Variants in PCGF3 observed in about 807,000 individuals in gnomAD.
PCGF3 encodes polycomb group RING finger protein 3.
In PCGF3, 7 loss-of-function variants were observed where a neutral mutation model predicts 33.1. The ratio of observed to expected loss-of-function variants is 0.21; its 90% CI spans 0.12 to 0.40. The LOEUF (loss-of-function observed/expected upper bound fraction) is 0.40, where lower values mean the gene tolerates loss of function less well. PCGF3 is among the 10% of genes least tolerant of loss of function. The pLI, the probability that PCGF3 is intolerant of heterozygous loss-of-function variation, is 1.00. For missense variants in PCGF3, 211 were observed against 313.3 expected (o/e 0.67, Z 2.46); for synonymous variants, 153 against 121.3 (o/e 1.26, Z -1.72).
chr4:706,420 TCCGGGAGGTCGAAGACCCCAGC>T (rs1560191918), intron 1 of PCGF3, among the ~76,000 whole-genome samples: 7 of 83,380 alleles, frequency 8.4e-5, no homozygotes, highest in Non-Finnish European at 1.4e-4. Flanking sequence ...CAGGCAGGAC[TCCGGGAGGTCGAAGACCCCAGC>T]CCAGGCAGGA....
At chr4:767,124 G>A (rs1254873051) in exon 11 of PCGF3, 1 of 152,280 alleles carries the variant, frequency 6.6e-6, no homozygotes, top group Non-Finnish European at 1.5e-5. Flanking sequence ...CCGCTTACTG[G>A]AAGGGCGTTT....
rs571228270 is a variant in PCGF3 at position 743,470 on chromosome 4, G to A, written c.263-4G>A. ...ATGAAAGACTGTGTGTTGATTTTCC[G>A]CAGCGGAAATGAGAAAGCAGAGGGA... On this transcript the variant is annotated splice_polypyrimidine_tract_variant and splice_region_variant and intron_variant, in intron 6 of 10. Transcript: ENST00000362003. 235 of 1,587,324 alleles carry A rather than the reference G, an allele frequency of 1.5e-4. 2 individuals are homozygous for A. The South Asian group carries it at 2.4e-3, about 16-fold the overall frequency.
intron 8 of PCGF3, among the ~76,000 whole-genome samples, chr4:760,586 C>T (rs1435891758): frequency 6.6e-6 from 1 of 152,188 alleles, no homozygotes; most frequent in East Asian, 1.9e-4. Context: ...TCCATTCTTC[C>T]ACTGCATTTT....
intron 1 of PCGF3, chr4:722,178 G>A (rs1255426526): frequency 1.3e-5 from 2 of 156,766 alleles, no homozygotes; most frequent in African/African-American, 4.8e-5. Flanking sequence ...AACAGCCGCT[G>A]CCTCTTAGTG....
In PCGF3 at chr4:721,673, G is replaced by C. The variant is rs980326137; in HGVS notation, c.-189-8957G>C. 1.3e-5 allele frequency among the ~76,000 whole-genome samples: 2 copies of C among 152,156 alleles called. No individual in the cohort carries two copies. Among genetic ancestry groups the C allele is most frequent in the Non-Finnish European group, 2.9e-5 (2 of 68,008 alleles). ...GGGCCTGTAGGACCCTTAGGGAGACGGGTGGCTCTGCGTGTGGGTGTGGAG... is the reference window on the plus strand; with the variant it reads ...GGGCCTGTAGGACCCTTAGGGAGACCGGTGGCTCTGCGTGTGGGTGTGGAG... On this transcript the variant is annotated intron_variant, in intron 1 of 10. Transcript: ENST00000362003. The surrounding 1 kb of genome is among the most constrained non-coding windows in gnomAD (Gnocchi z 4.1).
intron 1 of PCGF3, among the ~76,000 whole-genome samples, chr4:707,690 C>CA (rs1230642546): frequency 7.1e-6 from 1 of 140,646 alleles, no homozygotes; most frequent in African/African-American, 2.7e-5. Context: ...GCTCTGTTTT[C>CA]CCCTGGGGGC....
chr4:738,124 G>A (rs746843890), intron 6 of PCGF3, among the ~76,000 whole-genome samples: 48 of 152,216 alleles, frequency 3.2e-4, no homozygotes, highest in Non-Finnish European at 5.1e-4. Context: ...AGCGCCAGGT[G>A]GGCTGTCCTG....
chr4:763,861 A>G (rs552303826), intron 9 of PCGF3, among the ~76,000 whole-genome samples: 2 of 152,352 alleles, frequency 1.3e-5, no homozygotes, highest in Admixed American at 6.5e-5. Flanking sequence ...ATACTGGACT[A>G]TTATCCAGTA....
At chr4:765,374 A>C (rs775855358) in intron 10 of PCGF3, among the ~76,000 whole-genome samples, 20 of 152,150 alleles carry the variant, frequency 1.3e-4, no homozygotes, top group Non-Finnish European at 1.6e-4. Context: ...CGAAGCTTGC[A>C]GTGAGCCAAG....
At chr4:761,890 A>C (rs903272395) in intron 9 of PCGF3, 1 of 985,316 alleles carries the variant, frequency 1.0e-6, no homozygotes, top group Non-Finnish European at 1.2e-6. Flanking sequence ...ATGGGGATGC[A>C]GGCGCCAGCA....
intron 8 of PCGF3, among the ~76,000 whole-genome samples, chr4:748,188 C>T (rs1006981826): frequency 2.0e-5 from 3 of 150,830 alleles, no homozygotes; most frequent in Non-Finnish European, 4.4e-5. Flanking sequence ...AATTCCATAC[C>T]CACGTCTAGA....
intron 3 of PCGF3, among the ~76,000 whole-genome samples, chr4:732,916 G>A (rs1034431931): frequency 1.8e-4 from 28 of 152,220 alleles, no homozygotes; most frequent in Non-Finnish European, 3.1e-4. Context: ...GCCGTCGTGC[G>A]GTGACATCGG....
At chr4:724,820 T>C (rs1743259500) in intron 1 of PCGF3, among the ~76,000 whole-genome samples, 1 of 151,064 alleles carries the variant, frequency 6.6e-6, no homozygotes, top group Non-Finnish European at 1.5e-5. Flanking sequence ...AAAAAATTAG[T>C]TGGGTGTGGT....
At chr4:740,111 C>T (rs1158870681) in intron 6 of PCGF3, among the ~76,000 whole-genome samples, 1 of 152,248 alleles carries the variant, frequency 6.6e-6, no homozygotes, top group Non-Finnish European at 1.5e-5. Flanking sequence ...TTGCAAACCT[C>T]ATTTCTCCGA....
chr4:757,072 T>C (rs1744800550), intron 8 of PCGF3: 1 of 152,264 alleles, frequency 6.6e-6, no homozygotes, highest in Non-Finnish European at 1.5e-5. Context: ...CCGCTGTCTG[T>C]AGTGACCTAT....
rs1440698267 is a variant in PCGF3 at position 758,570 on chromosome 4, C to T, written c.463-2709C>T. Among the ~76,000 whole-genome samples the T allele has an allele frequency of 3.1e-5, 4 of 130,368 alleles. 1 individual carries two copies. Among genetic ancestry groups the T allele is most frequent in the Non-Finnish European group, 4.8e-5 (3 of 61,876 alleles). The allele number at this position is 130,368 out of a possible 152,430, so 85.5% of individuals were successfully genotyped here. ...TTCTCCCTCCAGACTCCGGGTCTTTCCCCGCACGGCCCCTCCCCCGAGTTC... is the reference window on the plus strand; with the variant it reads ...TTCTCCCTCCAGACTCCGGGTCTTTTCCCGCACGGCCCCTCCCCCGAGTTC... On this transcript the variant is annotated intron_variant, in intron 8 of 10. Transcript: ENST00000362003.
intron 1 of PCGF3, among the ~76,000 whole-genome samples, chr4:707,215 G>GT (rs1742344868): frequency 1.6e-5 from 2 of 125,172 alleles, no homozygotes; most frequent in Admixed American, 1.5e-4. Flanking sequence ...ACCTGGCAGG[G>GT]CCCGGGGGGG....
At chr4:743,786 C>T (rs1468006730) in intron 7 of PCGF3, 2 of 497,206 alleles carry the variant, frequency 4.0e-6, no homozygotes, top group Non-Finnish European at 7.2e-6. Flanking sequence ...AGGGGAAAAG[C>T]CAGCAGGGGA....
intron 1 of PCGF3, among the ~76,000 whole-genome samples, chr4:729,354 G>A (rs1307233217): frequency 1.3e-5 from 2 of 151,280 alleles, no homozygotes; most frequent in East Asian, 3.9e-4. Flanking sequence ...GGTCAAGGCT[G>A]TAGTGAGCCA....
Sources: gnomAD v4.1 joint callset for allele counts (sites outside exome capture counted in the v4.1 genomes callset) on GRCh38, gnomAD v4.1.1 for gene constraint, Gnocchi (gnomAD v3.1) non-coding constraint, MANE v1.5 for transcripts, NCBI Gene and HGNC (gene_info 2026-07-23, HGNC 2026-07-21) for gene names.